Variants in CDH18 observed in about 807,000 individuals in gnomAD.
The protein encoded by CDH18 is cadherin-18.
Under a neutral mutation model 67.9 loss-of-function variants are expected in CDH18, and 31 were observed. That is an observed-to-expected ratio of 0.46 (90% CI 0.34 to 0.62). The LOEUF (loss-of-function observed/expected upper bound fraction) is 0.62, where lower values mean the gene tolerates loss of function less well. CDH18 is among the 20% of genes least tolerant of loss of function. The pLI, the probability that CDH18 is intolerant of heterozygous loss-of-function variation, is 0.01. For synonymous variants in CDH18, 362 were observed against 347.2 expected (o/e 1.04, Z -0.48); for missense variants, 890 against 975.5 (o/e 0.91, Z 1.17).
chr5:19,577,846 A>G (rs1360037030), intron 7 of CDH18, among the ~76,000 whole-genome samples: 1 of 152,238 alleles, frequency 6.6e-6, no homozygotes, highest in Non-Finnish European at 1.5e-5. Context: ...GTAGTAAACT[A>G]TAAGAAGAGG....
intron 1 of CDH18, among the ~76,000 whole-genome samples, chr5:20,519,894 G>A: frequency 7.2e-6 from 1 of 139,150 alleles, no homozygotes; most frequent in Non-Finnish European, 1.5e-5. Context: ...TTTTTATTTG[G>A]ACAGGGTTTT....
chr5:19,779,724 A>C (rs1774873536), intron 3 of CDH18, among the ~76,000 whole-genome samples: 1 of 152,158 alleles, frequency 6.6e-6, no homozygotes, highest in South Asian at 2.1e-4. Context: ...GCTACATAGA[A>C]GGCTGCATAG....
At chr5:19,802,889 G>A (rs1777616763) in intron 3 of CDH18, among the ~76,000 whole-genome samples, 1 of 152,236 alleles carries the variant, frequency 6.6e-6, no homozygotes, top group Non-Finnish European at 1.5e-5. Flanking sequence ...GGTGACGGAA[G>A]TGTCATGGGC....
chr5:20,126,253 A>G (rs1748810854), intron 2 of CDH18, among the ~76,000 whole-genome samples: 2 of 152,212 alleles, frequency 1.3e-5, no homozygotes, highest in South Asian at 2.1e-4. Flanking sequence ...AAAAGTGCAT[A>G]TTGTGGTGTG....
At chr5:20,523,899 A>T (rs1467854488) in intron 1 of CDH18, among the ~76,000 whole-genome samples, 1 of 152,162 alleles carries the variant, frequency 6.6e-6, no homozygotes, top group Non-Finnish European at 1.5e-5. Flanking sequence ...GCATTTGTAC[A>T]TGAGAAAGAG....
intron 3 of CDH18, among the ~76,000 whole-genome samples, chr5:19,834,858 T>C (rs1243309607): frequency 1.1e-4 from 17 of 152,102 alleles, no homozygotes; most frequent in Non-Finnish European, 1.5e-5. Flanking sequence ...TTCTGAGTTC[T>C]AATTTGATTG....
At chr5:19,753,802 G>A (rs560832554) in intron 3 of CDH18, among the ~76,000 whole-genome samples, 14 of 152,282 alleles carry the variant, frequency 9.2e-5, no homozygotes, top group African/African-American at 1.9e-4. Context: ...ATACAAGCTC[G>A]AAGGAATTGG....
intron 2 of CDH18, chr5:20,255,431 G>C (rs966462379): frequency 6.6e-6 from 1 of 151,982 alleles, no homozygotes; most frequent in African/African-American, 2.4e-5. Flanking sequence ...ATAAGAGAAA[G>C]TATAAGTTTT....
chr5:20,122,789 C>A (rs1318079374), intron 2 of CDH18, among the ~76,000 whole-genome samples: 2 of 147,904 alleles, frequency 1.4e-5, no homozygotes. Flanking sequence ...AGACATTTTT[C>A]TAATTCGATA....
intron 2 of CDH18, among the ~76,000 whole-genome samples, chr5:20,026,821 G>T (rs1270403445): frequency 6.6e-6 from 1 of 152,078 alleles, no homozygotes; most frequent in African/African-American, 2.4e-5. Flanking sequence ...GCCGGGCATG[G>T]TGGTGGGCAC....
intron 2 of CDH18, among the ~76,000 whole-genome samples, chr5:20,186,028 A>G (rs573428798): frequency 6.6e-6 from 1 of 152,196 alleles, no homozygotes; most frequent in East Asian, 1.9e-4. Context: ...AAGGAAACAG[A>G]AAGGAATGAA....
intron 4 of CDH18, 59 bp from the exon 5 acceptor site, chr5:19,721,525 G>A: frequency 6.5e-7 from 1 of 1,534,328 alleles, no homozygotes; most frequent in South Asian, 1.2e-5. Context: ...TGATTAATTT[G>A]AACACAGAAA....
rs565623196 is a variant in CDH18 at position 19,472,993 on chromosome 5, A to G, written c.*233T>C. Reference sequence around the variant, plus strand: ...CACAGACTTTATTGAGCAATTGAAAATATACACAAGGAACAATAACTTTTT... The same window carrying G: ...CACAGACTTTATTGAGCAATTGAAAGTATACACAAGGAACAATAACTTTTT... On this transcript the variant is annotated 3_prime_UTR_variant, in exon 13 of 13. Coordinates refer to ENST00000382275, the MANE Select transcript of CDH18 (RefSeq NM_004934.5). The G allele has an allele frequency of 2.2e-6, 1 of 454,726 alleles. No individual in the cohort carries two copies. Among genetic ancestry groups the G allele is most frequent in the East Asian group, 3.7e-5 (1 of 27,066 alleles). The allele number at this position is 454,726 out of a possible 1,614,324, so 28.2% of individuals were successfully genotyped here.
chr5:19,951,835 T>C (rs933862989), intron 2 of CDH18, among the ~76,000 whole-genome samples: 1 of 152,094 alleles, frequency 6.6e-6, no homozygotes, highest in Non-Finnish European at 1.5e-5. Context: ...GGTATCCAGA[T>C]GGTTATAAAT....
chr5:20,085,003 T>C (rs1016838634), intron 2 of CDH18, among the ~76,000 whole-genome samples: 1 of 152,218 alleles, frequency 6.6e-6, no homozygotes, highest in African/African-American at 2.4e-5. Context: ...TCATTACCTA[T>C]GCAAATTTCT....
chr5:20,481,207 C>CAAAAA (rs541111689), intron 1 of CDH18, among the ~76,000 whole-genome samples: 7 of 128,728 alleles, frequency 5.4e-5, no homozygotes, highest in African/African-American at 1.9e-4. Flanking sequence ...CTTTTTAAGC[C>CAAAAA]AAAAAAAAAA....
intron 2 of CDH18, among the ~76,000 whole-genome samples, chr5:20,000,631 G>C (rs777965775): frequency 1.3e-5 from 2 of 152,108 alleles, no homozygotes; most frequent in African/African-American, 2.4e-5. Flanking sequence ...AAATAGCTTT[G>C]ACTGGGAGAC....
chr5:19,686,001 G>A (rs1561043975), intron 5 of CDH18, among the ~76,000 whole-genome samples: 2 of 152,170 alleles, frequency 1.3e-5, no homozygotes, highest in African/African-American at 4.8e-5. Flanking sequence ...GTGGTTTGGT[G>A]AGCATAAAGT....
intron 2 of CDH18, among the ~76,000 whole-genome samples, chr5:20,120,951 G>A (rs1365924763): frequency 6.6e-6 from 1 of 152,058 alleles, no homozygotes; most frequent in Non-Finnish European, 1.5e-5. Context: ...GACAGATACT[G>A]TAAATTATTG....
Sources: allele counts gnomAD v4.1 joint callset (sites outside exome capture counted in the v4.1 genomes callset), GRCh38; gene constraint gnomAD v4.1.1; transcripts MANE v1.5; gene names NCBI Gene and HGNC (gene_info 2026-07-23, HGNC 2026-07-21).